The following PHACTR1 variants were observed in gnomAD, a reference collection of about 807,000 sequenced individuals.
The protein encoded by PHACTR1 is RPEL repeat containing 1.
PHACTR1 carries 16 observed loss-of-function variants against 69.2 expected under a neutral mutation model. The observed-to-expected ratio is 0.23, with a 90% CI of 0.16 to 0.35. The LOEUF (loss-of-function observed/expected upper bound fraction) is 0.35. Ranked by LOEUF, PHACTR1 falls within the 10% of genes least tolerant of loss-of-function variation. The pLI, the probability that PHACTR1 is intolerant of heterozygous loss-of-function variation, is 1.00. For synonymous variants in PHACTR1, 312 were observed against 284.5 expected (o/e 1.10, Z -0.97); for missense variants, 510 against 734.7 (o/e 0.69, Z 3.54).
chr6:13,282,582 C>T (rs141786808), intron 12 of PHACTR1, among the ~76,000 whole-genome samples: 14 of 152,242 alleles, frequency 9.2e-5, no homozygotes, highest in East Asian at 3.9e-4. Context: ...TGCAGAGGGC[C>T]GTCAGCAATG....
chr6:13,184,006 A>C (rs926078742), intron 7 of PHACTR1, among the ~76,000 whole-genome samples: 2 of 152,222 alleles, frequency 1.3e-5, no homozygotes, highest in African/African-American at 4.8e-5. Context: ...AATTGATAAA[A>C]GAAAACTATA....
chr6:13,242,879 A>G (rs999442755), intron 10 of PHACTR1, among the ~76,000 whole-genome samples: 2 of 152,196 alleles, frequency 1.3e-5, no homozygotes, highest in East Asian at 3.8e-4. Flanking sequence ...TTAAGCACCA[A>G]CTGTGTGCAC....
In PHACTR1 at chr6:12,956,915, C is replaced by A. The variant is rs116082192; in HGVS notation, c.251-96450C>A. Among the ~76,000 whole-genome samples, 1,319 of 152,272 alleles carry A rather than the reference C, an allele frequency of 8.7e-3. 13 individuals carry two copies. Among genetic ancestry groups the A allele is most frequent in the African/African-American group, 0.029 (1,215 of 41,550 alleles). On this transcript the variant is annotated intron_variant, in intron 4 of 14. Transcript: ENST00000332995. ...CGTCCCATCCTGAGAAATTCCCACT[C>A]ACTCCTCATGGGCATTTGGGAGGTC...
chr6:13,264,705 T>C (rs1776378460), intron 10 of PHACTR1, among the ~76,000 whole-genome samples: 1 of 147,690 alleles, frequency 6.8e-6, no homozygotes, highest in Admixed American at 6.7e-5. Context: ...GGCCACAGAG[T>C]GAGCCCTCAT....
chr6:12,868,072 A>AC (rs1781641416), intron 4 of PHACTR1, among the ~76,000 whole-genome samples: 1 of 152,036 alleles, frequency 6.6e-6, no homozygotes, highest in Admixed American at 6.6e-5. Flanking sequence ...ATCCTGGCCA[A>AC]ATGGCGAAAT....
At chr6:12,774,700 A>G (rs1052728680) in intron 4 of PHACTR1, among the ~76,000 whole-genome samples, 2 of 152,234 alleles carry the variant, frequency 1.3e-5, no homozygotes, top group African/African-American at 2.4e-5. Context: ...GTGCCTGACC[A>G]TTATTTGAAT....
chr6:12,906,820 C>T (rs535296755), intron 4 of PHACTR1, among the ~76,000 whole-genome samples: 2 of 152,306 alleles, frequency 1.3e-5, no homozygotes, highest in South Asian at 2.1e-4. Flanking sequence ...GGTTGGGTCA[C>T]GTGTCCACTC....
intron 3 of PHACTR1, among the ~76,000 whole-genome samples, chr6:12,749,188 G>A (rs142040768): frequency 1.3e-5 from 2 of 152,358 alleles, no homozygotes; most frequent in African/African-American, 4.8e-5. Context: ...CTTGGGCAGC[G>A]TAAGCGCGTT....
intron 8 of PHACTR1, among the ~76,000 whole-genome samples, chr6:13,218,270 C>T (rs886659759): frequency 2.2e-4 from 34 of 152,076 alleles, no homozygotes; most frequent in Admixed American, 1.0e-3. Context: ...AGGTGTTTGC[C>T]GGCCAGTAAT....
intron 4 of PHACTR1, among the ~76,000 whole-genome samples, chr6:12,898,546 G>A (rs191670205): frequency 1.2e-3 from 186 of 152,250 alleles, no homozygotes; most frequent in African/African-American, 4.3e-3. Context: ...CTGTCAAATC[G>A]ACTTCCTAAA....
intron 4 of PHACTR1, among the ~76,000 whole-genome samples, chr6:13,003,454 GA>G (rs987628898): frequency 6.6e-6 from 1 of 151,928 alleles, no homozygotes; most frequent in African/African-American, 2.4e-5. Context: ...TCTATAAATT[GA>G]AAAGATAGAT....
intron 4 of PHACTR1, among the ~76,000 whole-genome samples, chr6:12,902,210 G>A (rs1785275400): frequency 6.6e-6 from 1 of 152,122 alleles, no homozygotes; most frequent in Non-Finnish European, 1.5e-5. Context: ...ATCACCTGAT[G>A]TCAGGAGTTC....
intron 8 of PHACTR1, among the ~76,000 whole-genome samples, chr6:13,217,177 G>A (rs553275143): frequency 2.7e-4 from 41 of 152,156 alleles, no homozygotes; most frequent in South Asian, 1.5e-3. Context: ...TAGTTAAAAC[G>A]GCAACTCTCA....
Position 13,283,325 on chromosome 6 carries a change from T to C in PHACTR1, c.1510-97T>C. The C allele has an allele frequency of 8.5e-7, 1 of 1,174,644 alleles. No individual in the cohort carries two copies. Among genetic ancestry groups the C allele is most frequent in the African/African-American group, 1.6e-5 (1 of 61,468 alleles). The allele number at this position is 1,174,644 out of a possible 1,614,324, so 72.8% of individuals were successfully genotyped here. A position where few individuals can be genotyped will look rare whatever the true frequency, so the allele number is the denominator to read the frequency against. On this transcript the variant is annotated intron_variant, in intron 12 of 14. Transcript: ENST00000332995. The surrounding 1 kb of genome is among the most constrained non-coding windows in gnomAD (Gnocchi z 4.7). ...CTATGCGATGCATCCATCGCCTCAC[T>C]GAACCTTATTTTCCACACCTGCAAG...
At chr6:12,752,653 A>G (rs1766774039) in intron 4 of PHACTR1, among the ~76,000 whole-genome samples, 1 of 152,234 alleles carries the variant, frequency 6.6e-6, no homozygotes. Flanking sequence ...TCCAGTTGCC[A>G]AATAAAGTGG....
At chr6:13,237,379 A>G (rs1016656801) in intron 10 of PHACTR1, among the ~76,000 whole-genome samples, 2 of 151,250 alleles carry the variant, frequency 1.3e-5, no homozygotes, top group Non-Finnish European at 3.0e-5. Context: ...CCCTCTTTTA[A>G]AAAAAAAATG....
chr6:13,029,272 A>G (rs1371128260), intron 4 of PHACTR1, among the ~76,000 whole-genome samples: 2 of 152,234 alleles, frequency 1.3e-5, no homozygotes, highest in Non-Finnish European at 2.9e-5. Flanking sequence ...TGTAGACAGA[A>G]ATGTCTGGAC....
At chr6:12,940,998 G>C (rs913951955) in intron 4 of PHACTR1, among the ~76,000 whole-genome samples, 1 of 152,190 alleles carries the variant, frequency 6.6e-6, no homozygotes, top group Non-Finnish European at 1.5e-5. Flanking sequence ...CTGGGGGCTT[G>C]GCCTTAAAGA....
chr6:13,063,776 T>C (rs1265533122), intron 5 of PHACTR1, among the ~76,000 whole-genome samples: 1 of 149,196 alleles, frequency 6.7e-6, no homozygotes, highest in Non-Finnish European at 1.5e-5. Flanking sequence ...TGAGACCCTG[T>C]CTGAAAAAAA....
Sources: gnomAD v4.1 joint callset for allele counts (sites outside exome capture counted in the v4.1 genomes callset) on GRCh38, gnomAD v4.1.1 for gene constraint, Gnocchi (gnomAD v3.1) non-coding constraint, MANE v1.5 for transcripts, NCBI Gene and HGNC (gene_info 2026-07-23, HGNC 2026-07-21) for gene names.